Variants in GTF2H5 observed in about 807,000 individuals in gnomAD.
GTF2H5 encodes the protein TFB5 ortholog.
A neutral mutation model predicts 7.1 loss-of-function variants in GTF2H5; 5 were observed. The ratio of observed to expected loss-of-function variants is 0.71; its 90% CI spans 0.37 to 1.49. GTF2H5 has a LOEUF of 1.49. Among genes scored for constraint, GTF2H5 ranks in the 40% most tolerant of loss-of-function variants. The pLI, the probability that GTF2H5 is intolerant of heterozygous loss-of-function variation, is 0.03. For missense variants in GTF2H5, 80 were observed against 83.0 expected, an observed-to-expected ratio of 0.96 and a Z score of 0.14; for synonymous variants, 30 against 31.7, an observed-to-expected ratio of 0.95 and a Z score of 0.18.
chr6:158,189,973 T>A (rs952761838), intron 2 of GTF2H5, among the ~76,000 whole-genome samples: 2 of 152,188 alleles, frequency 1.3e-5, no homozygotes, highest in African/African-American at 2.4e-5. Context: ...CTTTCAGGAC[T>A]CTTTGGGTTT....
rs372171527 is a variant in GTF2H5, at chr6:158,192,021, A to G, written c.80A>G (p.Asn27Ser). ...KQFLLYLDES[N>S]ALGKKFIIQD... Reference sequence around the variant, plus strand: ...TTTCTGCTGTACTTGGATGAGTCCAATGCCCTGGGGAAGAAGTTCATCATT... The same window carrying G: ...TTTCTGCTGTACTTGGATGAGTCCAGTGCCCTGGGGAAGAAGTTCATCATT... Residue 27 changes from asparagine to serine, a missense_variant, in exon 3 of 3, where the codon AAT (asparagine) becomes AGT (serine). Asn to Ser is a conservative substitution (Grantham distance 46, BLOSUM62 1). Coordinates refer to ENST00000607778, the MANE Select transcript of GTF2H5 (RefSeq NM_207118.3). 4.8e-5 allele frequency: 77 copies of G among 1,614,008 alleles called. No homozygotes were observed. Among genetic ancestry groups the G allele is most frequent in the Non-Finnish European group, 6.1e-5 (72 of 1,179,958 alleles).
rs757056639 is a variant in GTF2H5 at position 158,170,531 on chromosome 6, A to G, written c.28A>G (p.Ile10Val). Residue 10 changes from isoleucine (I) to valine (V), a missense_variant, in exon 2 of 3, where the codon ATA becomes GTA. Ile to Val is a conservative substitution (Grantham distance 29). Coordinates refer to ENST00000607778, the MANE Select transcript of GTF2H5 (RefSeq NM_207118.3). MVNVLKGVL[I>V]ECDPAMKQFL... Reference sequence around the variant, plus strand: ...GGTCAACGTCTTGAAAGGAGTGCTTATAGAATGGTTAGTAGTTTTGATACT... The same window carrying G: ...GGTCAACGTCTTGAAAGGAGTGCTTGTAGAATGGTTAGTAGTTTTGATACT... The G allele has an allele frequency of 2.5e-6, 4 of 1,607,588 alleles. No homozygotes were observed. The highest frequency in any genetic ancestry group is 2.2e-5 in the East Asian group (1 of 44,828).
At chr6:158,168,647 A>G (rs1010784987) in intron 1 of GTF2H5, among the ~76,000 whole-genome samples, 9 of 152,230 alleles carry the variant, frequency 5.9e-5, no homozygotes, top group African/African-American at 2.2e-4. Flanking sequence ...AGTTAATTAA[A>G]TGGGCGTACG....
At chr6:158,169,501 A>ATAATATACAGTATATTAC (rs1409637004) in intron 1 of GTF2H5, among the ~76,000 whole-genome samples, 1 of 78,826 alleles carries the variant, frequency 1.3e-5, no homozygotes, top group Non-Finnish European at 2.1e-5. Flanking sequence ...TATATTATAT[A>ATAATATACAGTATATTAC]ATATATTGTA....
At chr6:158,186,585 A>G (rs1193111993) in intron 2 of GTF2H5, among the ~76,000 whole-genome samples, 3 of 152,260 alleles carry the variant, frequency 2.0e-5, no homozygotes, top group South Asian at 2.1e-4. Context: ...GTCTCAATCA[A>G]TTTTGAAGTT....
intron 2 of GTF2H5, among the ~76,000 whole-genome samples, chr6:158,191,549 C>A (rs1267445104): frequency 1.3e-5 from 2 of 150,914 alleles, no homozygotes; most frequent in African/African-American, 2.5e-5. Flanking sequence ...GTGGCACGAT[C>A]TCCGCTCACT....
Position 158,187,744 on chromosome 6 carries a change from T to C in GTF2H5, c.36-4233T>C, listed in dbSNP as rs144132323. ...CACCACATCTGGCTAATTTTTGTAT[T>C]TTTAGTAGAGATGGGGTTTCACCGT... On this transcript the variant is annotated intron_variant, in intron 2 of 2. Transcript: ENST00000607778. Among the ~76,000 whole-genome samples the C allele has an allele frequency of 3.9e-3, 594 of 152,286 alleles. 6 individuals are homozygous for C. Among genetic ancestry groups the C allele is most frequent in the African/African-American group, 0.014 (568 of 41,558 alleles).
Position 158,169,671 on chromosome 6 carries a change from A to G in GTF2H5, c.-34-799A>G, listed in dbSNP as rs1356506152. Among the ~76,000 whole-genome samples the G allele has an allele frequency of 1.4e-3, 115 of 80,752 alleles. 19 individuals carry two copies. Among genetic ancestry groups the G allele is most frequent in the African/African-American group, 6.8e-3 (110 of 16,140 alleles). The allele number at this position is 80,752 out of a possible 152,430, so 53.0% of individuals were successfully genotyped here. A position where few individuals can be genotyped will look rare whatever the true frequency, so the allele number is the denominator to read the frequency against. ...GTATATTACATATAATATATTGTATATTATATAATATATAATATATATTAT... is the reference window on the plus strand; with the variant it reads ...GTATATTACATATAATATATTGTATGTTATATAATATATAATATATATTAT... On this transcript the variant is annotated intron_variant, in intron 1 of 2. Coordinates refer to ENST00000607778, the MANE Select transcript of GTF2H5 (RefSeq NM_207118.3).
At chr6:158,175,010 ATGTGTGTGTG>A (rs200557393) in intron 2 of GTF2H5, among the ~76,000 whole-genome samples, 34 of 138,320 alleles carry the variant, frequency 2.5e-4, no homozygotes, top group South Asian at 7.0e-4. Flanking sequence ...TGTGCCTGAG[ATGTGTGTGTG>A]TGTGTGTGTG....
chr6:158,195,837 A>T lies in GTF2H5; in HGVS notation c.*3680A>T, dbSNP rs1331497374. ...AGGGGTATATTTTAAAGATGGAGAA[A>T]TGATGCAGTTTGCAAATATAGTCAA... On this transcript the variant is annotated 3_prime_UTR_variant, in exon 3 of 3. Coordinates refer to ENST00000607778, the MANE Select transcript of GTF2H5 (RefSeq NM_207118.3). The T allele has an allele frequency of 1.3e-5, 2 of 152,246 alleles. No individual in the cohort carries two copies. Among genetic ancestry groups the T allele is most frequent in the Admixed American group, 1.3e-4 (2 of 15,282 alleles). The allele number at this position is 152,246 out of a possible 1,614,324, so 9.4% of individuals were successfully genotyped here.
chr6:158,194,387 G>C lies in GTF2H5; in HGVS notation c.*2230G>C, dbSNP rs1777074823. On this transcript the variant is annotated 3_prime_UTR_variant, in exon 3 of 3. Coordinates refer to ENST00000607778, the MANE Select transcript of GTF2H5 (RefSeq NM_207118.3). The stretch of plus-strand genomic sequence containing the variant: ...TCCTTTATACTTTGGTTTAGGAAGG[G>C]GACGGGAGCTCAGTTGCAACAATTC... The C allele has an allele frequency of 6.6e-6, 1 of 152,112 alleles. No homozygotes were observed. Among genetic ancestry groups the C allele is most frequent in the African/African-American group, 2.4e-5 (1 of 41,402 alleles). 9.4% of individuals were successfully genotyped at this position (152,112 alleles called of 1,614,324 possible). A position where few individuals can be genotyped will look rare whatever the true frequency, so the allele number is the denominator to read the frequency against.
At position 158,168,378 on chromosome 6, in the gene GTF2H5, C is replaced by G. The variant is rs984352604; in HGVS notation, c.-52C>G. On this transcript the variant is annotated 5_prime_UTR_variant, in exon 1 of 3. Transcript: ENST00000607778. Reference sequence around the variant, plus strand: ...CTCTGCCGGCAACGCCGAGGCGCTTCTGCATCTGTGGGCCGAGGTGTGTGG... The same window carrying G: ...CTCTGCCGGCAACGCCGAGGCGCTTGTGCATCTGTGGGCCGAGGTGTGTGG... 4 of 152,354 alleles carry G rather than the reference C, an allele frequency of 2.6e-5. No individual in the cohort carries two copies. In the East Asian group the frequency reaches 5.8e-4, roughly 22 times the overall value. The allele number at this position is 152,354 out of a possible 1,614,324, so 9.4% of individuals were successfully genotyped here. A position where few individuals can be genotyped will look rare whatever the true frequency, so the allele number is the denominator to read the frequency against.
In GTF2H5 at chr6:158,192,303, GA is replaced by G. The variant is rs956120418; in HGVS notation, c.*153del. ...CTGAGGGATCATGATCATTTGTTCA[GA>G]AAAAAAGCCCCTGAACTGATTTTGT... On this transcript the variant is annotated 3_prime_UTR_variant, in exon 3 of 3. Coordinates refer to ENST00000607778, the MANE Select transcript of GTF2H5 (RefSeq NM_207118.3). 5 of 592,214 alleles carry G rather than the reference GA, an allele frequency of 8.4e-6. No individual in the cohort carries two copies. Among genetic ancestry groups the G allele is most frequent in the African/African-American group, 5.9e-5 (3 of 50,954 alleles). 36.7% of individuals were successfully genotyped at this position (592,214 alleles called of 1,614,324 possible).
chr6:158,184,773 A>G (rs1776884045), intron 2 of GTF2H5, among the ~76,000 whole-genome samples: 2 of 152,206 alleles, frequency 1.3e-5, no homozygotes, highest in Admixed American at 1.3e-4. Flanking sequence ...GACTAAGCCA[A>G]GATTGTTCTG....
chr6:158,169,482 A>AT (rs1562468291), intron 1 of GTF2H5, among the ~76,000 whole-genome samples: 1 of 61,474 alleles, frequency 1.6e-5, no homozygotes, highest in Non-Finnish European at 2.5e-5. Flanking sequence ...TATTATATAT[A>AT]ATATATTGTA....
At chr6:158,174,375 G>A (rs1460663122) in intron 2 of GTF2H5, among the ~76,000 whole-genome samples, 2 of 151,984 alleles carry the variant, frequency 1.3e-5, no homozygotes, top group South Asian at 4.1e-4. Flanking sequence ...ATTTGCTAAA[G>A]AAGTAAACCA....
In GTF2H5 at chr6:158,197,599, G is replaced by A. The variant is rs989511800; in HGVS notation, c.*5442G>A. ...AGTCATTTTGCTTGTTGACTTTTTG[G>A]AGGGCCAAATAAAGATATCATCTGC... On this transcript the variant is annotated 3_prime_UTR_variant, in exon 3 of 3. Coordinates refer to ENST00000607778, the MANE Select transcript of GTF2H5 (RefSeq NM_207118.3). 3 of 152,042 alleles carry A rather than the reference G, an allele frequency of 2.0e-5. No homozygotes were observed. Among genetic ancestry groups the A allele is most frequent in the African/African-American group, 7.2e-5 (3 of 41,386 alleles). 9.4% of individuals were successfully genotyped at this position (152,042 alleles called of 1,614,324 possible). A position where few individuals can be genotyped will look rare whatever the true frequency, so the allele number is the denominator to read the frequency against.
In GTF2H5 at chr6:158,193,438, A is replaced by T. The variant is rs1037480086; in HGVS notation, c.*1281A>T. 2 of 152,192 alleles carry T rather than the reference A, an allele frequency of 1.3e-5. No individual in the cohort carries two copies. The highest frequency in any genetic ancestry group is 4.8e-5 in the African/African-American group (2 of 41,452). 9.4% of individuals were successfully genotyped at this position (152,192 alleles called of 1,614,324 possible). A position where few individuals can be genotyped will look rare whatever the true frequency, so the allele number is the denominator to read the frequency against. ...CCTGTAAAGGGAATTTTCCAAGAGA[A>T]AAGAGAATTTTCATGACCTGTAGAC... On this transcript the variant is annotated 3_prime_UTR_variant, in exon 3 of 3. Coordinates refer to ENST00000607778, the MANE Select transcript of GTF2H5 (RefSeq NM_207118.3).
At chr6:158,187,809 G>T (rs962135943) in intron 2 of GTF2H5, among the ~76,000 whole-genome samples, 1 of 151,630 alleles carries the variant, frequency 6.6e-6, no homozygotes, top group Non-Finnish European at 1.5e-5. Context: ...CTCGTGATCC[G>T]CCTGCCTCGG....
Sources: gnomAD v4.1 joint callset for allele counts (sites outside exome capture counted in the v4.1 genomes callset) on GRCh38, gnomAD v4.1.1 for gene constraint, MANE v1.5 for transcripts, NCBI Gene and HGNC (gene_info 2026-07-23, HGNC 2026-07-21) for gene names.